The following SLC38A6 variants were observed in gnomAD, a reference collection of about 807,000 sequenced individuals.
SLC38A6 encodes N system amino acid transporter NAT-1.
In SLC38A6, 73 loss-of-function variants were observed where a neutral mutation model predicts 65.0. That is an observed-to-expected ratio of 1.12 (90% CI 0.93 to 1.37). The LOEUF (loss-of-function observed/expected upper bound fraction) is 1.37. SLC38A6 is among the 40% of genes most tolerant of loss of function. The pLI, the probability that SLC38A6 is intolerant of heterozygous loss-of-function variation, is 0.00. For synonymous variants in SLC38A6, 183 were observed against 178.8 expected (o/e 1.02, Z -0.19); for missense variants, 561 against 531.1 (o/e 1.06, Z -0.55).
intron 10 of SLC38A6, 98 bp downstream of exon 10, chr14:61,043,601 C>A: frequency 1.4e-6 from 1 of 716,412 alleles, no homozygotes; most frequent in Non-Finnish European, 2.2e-6. Flanking sequence ...GTACCTGTGA[C>A]TAATTAATTT....
intron 15 of SLC38A6, among the ~76,000 whole-genome samples, chr14:61,074,616 T>C (rs1021956944): frequency 6.6e-6 from 1 of 152,196 alleles, no homozygotes; most frequent in Non-Finnish European, 1.5e-5. Context: ...GGCCTCAATA[T>C]GAATTGAGGG....
intron 3 of SLC38A6, among the ~76,000 whole-genome samples, chr14:60,990,640 A>T (rs1429606172): frequency 1.3e-5 from 2 of 151,942 alleles, no homozygotes; most frequent in African/African-American, 4.8e-5. Context: ...CTTCAAAAAA[A>T]ATTTTTTTTC....
At chr14:61,015,483 T>C (rs955490584) in intron 3 of SLC38A6, among the ~76,000 whole-genome samples, 7 of 151,374 alleles carry the variant, frequency 4.6e-5, no homozygotes, top group Non-Finnish European at 1.0e-4. Context: ...GAAATAACTT[T>C]TAATATGTAC....
intron 4 of SLC38A6, among the ~76,000 whole-genome samples, chr14:61,016,628 T>C (rs1209695015): frequency 2.6e-5 from 4 of 152,208 alleles, no homozygotes; most frequent in Non-Finnish European, 4.4e-5. Context: ...CTTCCACCAG[T>C]AATCAGGAGT....
intron 3 of SLC38A6, among the ~76,000 whole-genome samples, chr14:61,011,168 T>G (rs1292364957): frequency 2.6e-5 from 4 of 152,198 alleles, no homozygotes; most frequent in Non-Finnish European, 4.4e-5. Context: ...CACTCATGAT[T>G]TGGCTCTCTG....
chr14:61,074,045 T>C (rs1041328823), intron 15 of SLC38A6: 1 of 152,216 alleles, frequency 6.6e-6, no homozygotes, highest in African/African-American at 2.4e-5. Context: ...ACATACAAAA[T>C]GTGTGTTAAT....
In SLC38A6 at chr14:61,023,588, A is replaced by AATAATAT. The variant is rs1555352626; in HGVS notation, c.403+4011_403+4012insATATATA. Among the ~76,000 whole-genome samples the AATAATAT allele has an allele frequency of 4.7e-4, 11 of 23,370 alleles. No individual in the cohort carries two copies. The Admixed American group carries it at 6.6e-3, about 14-fold the overall frequency. The allele number at this position is 23,370 out of a possible 152,430, so 15.3% of individuals were successfully genotyped here. A position where few individuals can be genotyped will look rare whatever the true frequency, so the allele number is the denominator to read the frequency against. On this transcript the variant is annotated intron_variant, in intron 5 of 15. Coordinates refer to ENST00000267488, the MANE Select transcript of SLC38A6 (RefSeq NM_153811.3). ...AAATAATAATAATAATAATAATAAT[A>AATAATAT]ATATATATATATACACACACACACA...
chr14:61,030,560 A>G (rs2040916109), intron 6 of SLC38A6, 37 bp downstream of exon 6: 3 of 1,379,606 alleles, frequency 2.2e-6, no homozygotes, highest in Non-Finnish European at 3.1e-6. Flanking sequence ...CCGTTCATGT[A>G]TTAATTTGAT....
At chr14:60,996,126 G>C (rs1300866694) in intron 3 of SLC38A6, among the ~76,000 whole-genome samples, 1 of 152,160 alleles carries the variant, frequency 6.6e-6, no homozygotes, top group Non-Finnish European at 1.5e-5. Context: ...GCATGTGTTG[G>C]GGGCAGGAGG....
intron 3 of SLC38A6, among the ~76,000 whole-genome samples, chr14:61,014,669 G>T (rs1009137724): frequency 6.6e-6 from 1 of 152,162 alleles, no homozygotes; most frequent in African/African-American, 2.4e-5. Context: ...TTTTTGTCTG[G>T]GTATCAGCAG....
intron 5 of SLC38A6, among the ~76,000 whole-genome samples, chr14:61,023,748 G>GA (rs1410682405): frequency 6.6e-6 from 1 of 151,734 alleles, no homozygotes; most frequent in Admixed American, 6.6e-5. Flanking sequence ...GTGAATCCAT[G>GA]AAAAAAATTG....
intron 3 of SLC38A6, 61 bp from the exon 4 acceptor site, chr14:61,015,842 CT>C: frequency 1.5e-6 from 2 of 1,377,176 alleles, no homozygotes; most frequent in Non-Finnish European, 1.0e-6. Context: ...CTGCTCTTCT[CT>C]TTAGGACCTG....
chr14:61,021,664 A>T (rs577394206), intron 5 of SLC38A6, among the ~76,000 whole-genome samples: 25 of 152,224 alleles, frequency 1.6e-4, no homozygotes, highest in Non-Finnish European at 3.2e-4. Flanking sequence ...TAAAAAGGTG[A>T]TTTAGAGTGG....
intron 1 of SLC38A6, 129 bp from the exon 2 acceptor site, chr14:60,982,379 A>T: frequency 8.5e-7 from 1 of 1,176,488 alleles, no homozygotes; most frequent in Non-Finnish European, 1.2e-6. Flanking sequence ...TTGGTTAAGC[A>T]ACGAGTGTGT....
At chr14:60,995,542 A>G (rs2038226495) in intron 3 of SLC38A6, among the ~76,000 whole-genome samples, 1 of 152,256 alleles carries the variant, frequency 6.6e-6, no homozygotes, top group Middle Eastern at 3.4e-3. Context: ...CATGATGACT[A>G]TATGTAATAT....
At chr14:61,002,879 A>G (rs185461997) in intron 3 of SLC38A6, among the ~76,000 whole-genome samples, 1 of 152,280 alleles carries the variant, frequency 6.6e-6, no homozygotes, top group East Asian at 1.9e-4. Context: ...ATTCTTGTAA[A>G]AGACTCAATT....
At chr14:61,078,598 G>A (rs945322725) in intron 15 of SLC38A6, among the ~76,000 whole-genome samples, 1 of 151,896 alleles carries the variant, frequency 6.6e-6, no homozygotes, top group Non-Finnish European at 1.5e-5. Flanking sequence ...AGCACTTTAG[G>A]CCTTCAAGGG....
In SLC38A6 at chr14:61,020,081, C is replaced by G. The variant is rs545404900; in HGVS notation, c.403+501C>G. Among the ~76,000 whole-genome samples, 9 of 152,152 alleles carry G rather than the reference C, an allele frequency of 5.9e-5. No individual in the cohort carries two copies. The South Asian group carries it at 1.9e-3, about 32-fold the overall frequency. ...GATAAATAAGCATTCTCACATTTAT[C>G]CTGTATCTTGTTCCTATTAATAACC... On this transcript the variant is annotated intron_variant, in intron 5 of 15. Coordinates refer to ENST00000267488, the MANE Select transcript of SLC38A6 (RefSeq NM_153811.3).
chr14:61,007,350 C>T (rs1327002143), intron 3 of SLC38A6, among the ~76,000 whole-genome samples: 2 of 126,574 alleles, frequency 1.6e-5, no homozygotes, highest in African/African-American at 5.7e-5. Context: ...AAAGAACAGA[C>T]CAGATGCAGT....
Sources: gnomAD v4.1 joint callset for allele counts (sites outside exome capture counted in the v4.1 genomes callset) on GRCh38, gnomAD v4.1.1 for gene constraint, MANE v1.5 for transcripts, NCBI Gene and HGNC (gene_info 2026-07-23, HGNC 2026-07-21) for gene names.